The following NRG1 variants were observed in gnomAD, a reference collection of about 807,000 sequenced individuals.
The protein encoded by NRG1 is pro-neuregulin-1, membrane-bound isoform.
A neutral mutation model predicts 63.8 loss-of-function variants in NRG1; 18 were observed. The observed-to-expected ratio is 0.28, with a 90% CI of 0.19 to 0.42. NRG1 has a LOEUF of 0.42. Among genes scored for constraint, NRG1 ranks in the 10% least tolerant of loss-of-function variants. The probability of loss-of-function intolerance (pLI) is 1.00; values close to 1 mark genes in which losing one functional copy is unlikely to be tolerated. For missense variants in NRG1, 762 were observed against 814.7 expected (o/e 0.94, Z 0.79); for synonymous variants, 302 against 301.3 (o/e 1.00, Z -0.02).
intron 1 of NRG1, among the ~76,000 whole-genome samples, chr8:31,713,309 G>A (rs1812007731): frequency 6.6e-6 from 1 of 151,486 alleles, no homozygotes; most frequent in South Asian, 2.1e-4. Context: ...GTGTAGACGG[G>A]GTTTCACTGT....
chr8:32,043,752 A>G (rs1820468622), intron 1 of NRG1, among the ~76,000 whole-genome samples: 1 of 151,968 alleles, frequency 6.6e-6, no homozygotes, highest in Non-Finnish European at 1.5e-5. Flanking sequence ...AAGCATGTAT[A>G]TAGCAATCCC....
intron 3 of NRG1, 28 bp from the exon 4 acceptor site, chr8:32,614,486 A>G: frequency 1.2e-6 from 2 of 1,610,712 alleles, no homozygotes; most frequent in Non-Finnish European, 1.7e-6. Flanking sequence ...TTTATATATC[A>G]TAATGTCCTA....
At chr8:32,437,209 T>C (rs528355941) in intron 1 of NRG1, among the ~76,000 whole-genome samples, 2 of 152,242 alleles carry the variant, frequency 1.3e-5, no homozygotes, top group East Asian at 1.9e-4. Flanking sequence ...TCATTGTCCA[T>C]AGCCTAGGTA....
chr8:31,767,568 G>A (rs985593628), intron 1 of NRG1, among the ~76,000 whole-genome samples: 1 of 152,000 alleles, frequency 6.6e-6, no homozygotes, highest in Non-Finnish European at 1.5e-5. Context: ...TAGCCAGCAC[G>A]GTGGCTCTTG....
At chr8:31,738,020 A>G (rs1814864214) in intron 1 of NRG1, among the ~76,000 whole-genome samples, 1 of 152,132 alleles carries the variant, frequency 6.6e-6, no homozygotes, top group African/African-American at 2.4e-5. Context: ...TTTAGGAAAC[A>G]GAGTTTTACA....
At chr8:31,804,935 G>A (rs936603472) in intron 1 of NRG1, among the ~76,000 whole-genome samples, 1 of 152,228 alleles carries the variant, frequency 6.6e-6, no homozygotes, top group African/African-American at 2.4e-5. Context: ...GAAAGGAAAT[G>A]CTTCTCCATT....
chr8:32,581,082 G>T (rs1840551306), intron 1 of NRG1, among the ~76,000 whole-genome samples: 1 of 152,130 alleles, frequency 6.6e-6, no homozygotes, highest in South Asian at 2.1e-4. Context: ...TCTATCTCTT[G>T]CCCCCTAACC....
At chr8:32,539,551 T>A (rs2129520521) in intron 1 of NRG1, among the ~76,000 whole-genome samples, 1 of 152,232 alleles carries the variant, frequency 6.6e-6, no homozygotes, top group Non-Finnish European at 1.5e-5. Flanking sequence ...TCTGTCTGGC[T>A]TTTTTTGCGG....
chr8:32,658,539 G>A lies in NRG1; in HGVS notation c.502+41654G>A, dbSNP rs538718707. ...CCTACGTATGTTCTGATTGTATTTT[G>A]GGTTATTACATAATCAAAATTAGCA... On this transcript the variant is annotated intron_variant, in intron 5 of 11. Coordinates refer to ENST00000356819, the Ensembl canonical transcript of NRG1. Among the ~76,000 whole-genome samples, 4 of 152,124 alleles carry A rather than the reference G, an allele frequency of 2.6e-5. No individual in the cohort carries two copies. The East Asian group carries it at 7.7e-4, about 29-fold the overall frequency.
intron 1 of NRG1, among the ~76,000 whole-genome samples, chr8:32,329,296 C>A (rs1430993902): frequency 1.3e-5 from 2 of 152,080 alleles, no homozygotes; most frequent in African/African-American, 4.8e-5. Flanking sequence ...ATCTATTATT[C>A]TTGTATTTGT....
intron 1 of NRG1, among the ~76,000 whole-genome samples, chr8:31,987,788 T>G (rs1236148491): frequency 1.3e-5 from 2 of 152,088 alleles, no homozygotes. Context: ...TATTCCAACC[T>G]CAGCATTTTA....
intron 1 of NRG1, among the ~76,000 whole-genome samples, chr8:32,265,195 C>A (rs1210765333): frequency 1.3e-5 from 2 of 151,958 alleles, no homozygotes; most frequent in African/African-American, 4.8e-5. Flanking sequence ...ATTATCTAAG[C>A]ATAGTGGTGT....
At chr8:32,491,104 G>T (rs1240095117) in intron 1 of NRG1, among the ~76,000 whole-genome samples, 1 of 152,090 alleles carries the variant, frequency 6.6e-6, no homozygotes, top group Non-Finnish European at 1.5e-5. Context: ...CTATGATGTG[G>T]TTAACTATCC....
rs1442018192 is a variant in NRG1 at position 32,416,406 on chromosome 8, A to C, written c.38-179422A>C. 2.1e-5 allele frequency among the ~76,000 whole-genome samples: 3 copies of C among 144,778 alleles called. No homozygotes were observed. In the Admixed American group the frequency reaches 2.1e-4, roughly 10 times the overall value. The allele number at this position is 144,778 out of a possible 152,430, so 95.0% of individuals were successfully genotyped here. On this transcript the variant is annotated intron_variant, in intron 1 of 10. Coordinates refer to the NRG1 transcript ENST00000519301. ...CCTTCTTTCCTTCTGTCTCTTTCAC[A>C]TGCCTTCTTTCTCTCTTCCCTTCCT...
At chr8:32,698,004 G>A (rs1298179136) in intron 5 of NRG1, among the ~76,000 whole-genome samples, 1 of 152,082 alleles carries the variant, frequency 6.6e-6, no homozygotes, top group African/African-American at 2.4e-5. Context: ...TCAAGAGATC[G>A]TGACCATCCT....
At chr8:31,828,076 ATAGTGT>A (rs1824747548) in intron 1 of NRG1, among the ~76,000 whole-genome samples, 1 of 152,226 alleles carries the variant, frequency 6.6e-6, no homozygotes, top group African/African-American at 2.4e-5. Flanking sequence ...ATATATTATC[ATAGTGT>A]TAGTAAGGCC....
At chr8:31,699,704 C>T (rs982829303) in intron 1 of NRG1, among the ~76,000 whole-genome samples, 7 of 147,696 alleles carry the variant, frequency 4.7e-5, no homozygotes, top group Non-Finnish European at 1.0e-4. Flanking sequence ...TTTTTCCTTC[C>T]TTTTTTTAAA....
rs1047166356 is a variant in NRG1 at position 31,832,512 on chromosome 8, G to A, written c.37+193081G>A. Among the ~76,000 whole-genome samples, 5 of 152,126 alleles carry A rather than the reference G, an allele frequency of 3.3e-5. No individual in the cohort carries two copies. The South Asian group carries it at 6.2e-4, about 19-fold the overall frequency. The stretch of plus-strand genomic sequence containing the variant: ...GGACTCAAGCAGTCTGCCCACCAAA[G>A]CCTCCCAAAGTGCTGGGATTACAGG... On this transcript the variant is annotated intron_variant, in intron 1 of 10. Transcript: ENST00000519301.
At chr8:32,463,895 TTTTTTTTTTTTTTTTTTTGG>T (rs1822681163) in intron 1 of NRG1, among the ~76,000 whole-genome samples, 2 of 67,098 alleles carry the variant, frequency 3.0e-5, no homozygotes, top group African/African-American at 1.2e-4. Flanking sequence ...TTTTTTTTTT[TTTTTTTTTTTTTTTTTTTGG>T]GGGAGGGTCT....
Sources: allele counts gnomAD v4.1 joint callset (sites outside exome capture counted in the v4.1 genomes callset), GRCh38; gene constraint gnomAD v4.1.1; transcripts MANE v1.5; gene names NCBI Gene and HGNC (gene_info 2026-07-23, HGNC 2026-07-21).